Variants in B4GALT4 observed in about 807,000 individuals in gnomAD.
B4GALT4 encodes the protein beta-1,4-galactosyltransferase 4.
Under a neutral mutation model 37.3 loss-of-function variants are expected in B4GALT4, and 27 were observed. The ratio of observed to expected loss-of-function variants is 0.72; its 90% confidence interval spans 0.53 to 1.00. The LOEUF is 1.00. Among genes scored for constraint, B4GALT4 ranks in the 50% least tolerant of loss-of-function variants. The pLI is 0.00. For missense variants in B4GALT4, 372 were observed against 413.1 expected, an observed-to-expected ratio of 0.90 and a Z score of 0.86; for synonymous variants, 148 against 154.1, an observed-to-expected ratio of 0.96 and a Z score of 0.29.
intron 5 of B4GALT4, among the ~76,000 whole-genome samples, chr3:119,221,708 AT>A (rs2078455245): frequency 6.6e-6 from 1 of 152,226 alleles, no homozygotes; most frequent in Admixed American, 6.5e-5. Flanking sequence ...TGGGAAATAC[AT>A]TAGAACCCTG....
chr3:119,216,409 G>C, intron 6 of B4GALT4, 65 bp from the exon 7 acceptor site: 5 of 1,276,218 alleles, frequency 3.9e-6, no homozygotes, highest in Non-Finnish European at 5.5e-6. Flanking sequence ...CAAATAAAAA[G>C]CATCATTTGC....
intron 4 of B4GALT4, among the ~76,000 whole-genome samples, chr3:119,226,327 A>G (rs2078616933): frequency 6.6e-6 from 1 of 152,224 alleles, no homozygotes; most frequent in Non-Finnish European, 1.5e-5. Context: ...TTCACATAAT[A>G]AATAGTGGCA....
chr3:119,226,997 C>T lies in B4GALT4; in HGVS notation c.298G>A (p.Glu100Lys), dbSNP rs1437281320. 6.2e-7 allele frequency: 1 copy of T among 1,614,102 alleles called. No homozygotes were observed. The highest frequency in any genetic ancestry group is 8.5e-7 in the Non-Finnish European group (1 of 1,180,048). ...LIFKPDLTLE[E>K]VQAENPKVSR... is the part of the protein sequence containing the mutation. ...ACTTTGGGATTTTCTGCCTGTACCT[C>T]TTCCAAAGTGAGATCTGGTTTGAAA... The change falls in exon 4 of 8, where the codon GAG becomes AAG. Residue 100 changes from glutamate to lysine, a missense_variant. Glu to Lys is a moderately conservative substitution (Grantham distance 56). Transcript: ENST00000393765.
intron 5 of B4GALT4, among the ~76,000 whole-genome samples, chr3:119,223,608 C>G (rs2107493773): frequency 6.6e-6 from 1 of 152,232 alleles, no homozygotes; most frequent in Non-Finnish European, 1.5e-5. Flanking sequence ...AGGACATGCC[C>G]TCCCCCACCT....
At chr3:119,227,886 A>G (rs1232675158) in intron 3 of B4GALT4, among the ~76,000 whole-genome samples, 1 of 152,144 alleles carries the variant, frequency 6.6e-6, no homozygotes, top group Non-Finnish European at 1.5e-5. Context: ...TACCCTGGCC[A>G]TGGCTGCTTA....
chr3:119,226,632 T>TC, intron 4 of B4GALT4, 177 bp downstream of exon 4: 2 of 631,752 alleles, frequency 3.2e-6, no homozygotes, highest in South Asian at 4.0e-5. Context: ...AACCCATAAC[T>TC]CCACACTCTG....
chr3:119,216,089 C>T, intron 7 of B4GALT4, 151 bp downstream of exon 7: 2 of 507,234 alleles, frequency 3.9e-6, no homozygotes, highest in African/African-American at 2.0e-5. Context: ...CAGTGCACCA[C>T]TTTCTCTCCT....
chr3:119,212,113 A>G lies in B4GALT4; in HGVS notation c.*436T>C, dbSNP rs1429883248. ...ACAGATGATTGTACAGGATAAATGAATAACAGTATTGTATCTTCGTACCTT... is the reference window on the plus strand; with the variant it reads ...ACAGATGATTGTACAGGATAAATGAGTAACAGTATTGTATCTTCGTACCTT... On this transcript the variant is annotated 3_prime_UTR_variant, in exon 8 of 8. Transcript: ENST00000393765. 5.7e-6 allele frequency: 4 copies of G among 702,838 alleles called. No homozygotes were observed. Among genetic ancestry groups the G allele is most frequent in the East Asian group, 2.7e-5 (1 of 37,310 alleles). The allele number at this position is 702,838 out of a possible 1,614,324, so 43.5% of individuals were successfully genotyped here.
At chr3:119,215,160 T>G (rs1382545780) in intron 7 of B4GALT4, 2 of 152,202 alleles carry the variant, frequency 1.3e-5, no homozygotes, top group Non-Finnish European at 2.9e-5. Flanking sequence ...AAATTAACAT[T>G]TGAGTCAGTG....
chr3:119,234,937 T>C (rs186641549), intron 2 of B4GALT4: 1 of 152,364 alleles, frequency 6.6e-6, no homozygotes, highest in East Asian at 1.9e-4. Context: ...CCAGTCTTTT[T>C]CTGACTACCT....
intron 2 of B4GALT4, among the ~76,000 whole-genome samples, chr3:119,234,364 C>G (rs7620966): frequency 0.28 from 41,858 of 152,016 alleles, 5,913 homozygotes; most frequent in Non-Finnish European, 0.28. Context: ...AAATGATCTG[C>G]CCACCTCAGC....
chr3:119,231,764 TTA>T (rs1445457785), intron 2 of B4GALT4, among the ~76,000 whole-genome samples: 2 of 129,092 alleles, frequency 1.5e-5, no homozygotes, highest in Non-Finnish European at 3.3e-5. Flanking sequence ...AAATTTTATT[TTA>T]TTTAATAATT....
chr3:119,231,722 A>AATAATTTTTATTTTTATAAAATTTATTTT (rs1372432717), intron 2 of B4GALT4, among the ~76,000 whole-genome samples: 7 of 146,624 alleles, frequency 4.8e-5, no homozygotes, highest in Non-Finnish European at 1.1e-4. Context: ...TTATATTTTT[A>AATAATTTTTATTTTTATAAAATTTATTTT]ATAATTTTTA....
chr3:119,216,068 A>T, intron 7 of B4GALT4, 172 bp downstream of exon 7: 1 of 408,238 alleles, frequency 2.4e-6, no homozygotes, highest in Non-Finnish European at 4.3e-6. Context: ...AGAACTGTAG[A>T]CGTGAGGGTT....
chr3:119,213,535 C>A (rs944691529), intron 7 of B4GALT4: 1 of 152,122 alleles, frequency 6.6e-6, no homozygotes, highest in Non-Finnish European at 1.5e-5. Context: ...TTTAGGGATA[C>A]AAACATATGG....
chr3:119,233,929 GT>G, intron 2 of B4GALT4, among the ~76,000 whole-genome samples: 1 of 152,260 alleles, frequency 6.6e-6, no homozygotes, highest in South Asian at 2.1e-4. Flanking sequence ...AGTGTGAAGG[GT>G]CTGTCATCTG....
chr3:119,232,014 C>A (rs2078840853), intron 2 of B4GALT4, among the ~76,000 whole-genome samples: 1 of 151,762 alleles, frequency 6.6e-6, no homozygotes. Flanking sequence ...AAAACAACAA[C>A]CACCTCAGAA....
chr3:119,240,533 G>A (rs930399000), intron 1 of B4GALT4: 3 of 152,262 alleles, frequency 2.0e-5, no homozygotes, highest in African/African-American at 7.2e-5. Context: ...ATCGTGACCT[G>A]GGGTATGAAT....
intron 5 of B4GALT4, among the ~76,000 whole-genome samples, chr3:119,220,955 C>T (rs1368854288): frequency 1.3e-5 from 2 of 150,222 alleles, no homozygotes; most frequent in African/African-American, 4.9e-5. Context: ...CGCTGCACTC[C>T]AGCCTGGGCA....
Sources: allele counts gnomAD v4.1 joint callset (sites outside exome capture counted in the v4.1 genomes callset), GRCh38; gene constraint gnomAD v4.1.1; transcripts MANE v1.5; gene names NCBI Gene and HGNC (gene_info 2026-07-23, HGNC 2026-07-21).